EP400: variants seen among roughly 807,000 people sequenced by gnomAD.
EP400 encodes the protein E1A binding protein p400.
A neutral mutation model predicts 354.1 loss-of-function variants in EP400; 105 were observed. That is an observed-to-expected ratio of 0.30 (90% CI 0.25 to 0.35). EP400 has a LOEUF of 0.35. Among genes scored for constraint, EP400 ranks in the 10% least tolerant of loss-of-function variants. EP400 has a pLI of 1.00. For missense variants in EP400, 3,280 were observed against 4,121.0 expected (o/e 0.80, Z 5.59); for synonymous variants, 1,646 against 1,716.9 (o/e 0.96, Z 1.02).
At chr12:131,980,692 C>T (rs756645681) in intron 3 of EP400, among the ~76,000 whole-genome samples, 9 of 152,100 alleles carry the variant, frequency 5.9e-5, no homozygotes, top group Non-Finnish European at 1.2e-4. Flanking sequence ...ACTACAGGCG[C>T]GTGCCACCAC....
chr12:131,981,678 C>T (rs1892686567), intron 4 of EP400, 82 bp downstream of exon 4: 2 of 1,230,522 alleles, frequency 1.6e-6, no homozygotes, highest in Admixed American at 2.2e-5. Context: ...CAGACTCAGA[C>T]TTGGGCAGTG....
rs889274748 is a variant in EP400, at chr12:131,949,997, G to C, written c.-75G>C. ...GCTGCGGCGCGGCTTCCATCCTCCC[G>C]CCCTCCTGACGCGGCCGGAGCGCAG... is the stretch of plus-strand genomic sequence containing the variant. On this transcript the variant is annotated 5_prime_UTR_variant, in exon 1 of 53. Coordinates refer to ENST00000389561, the MANE Select transcript of EP400 (RefSeq NM_015409.5). The C allele has an allele frequency of 6.6e-6, 1 of 151,784 alleles. No homozygotes were observed. Among genetic ancestry groups the C allele is most frequent in the Admixed American group, 6.6e-5 (1 of 15,212 alleles). The allele number at this position is 151,784 out of a possible 1,614,324, so 9.4% of individuals were successfully genotyped here. A position where few individuals can be genotyped will look rare whatever the true frequency, so the allele number is the denominator to read the frequency against.
chr12:132,064,711 C>G lies in EP400; in HGVS notation c.8378C>G (p.Pro2793Arg). 1 of 1,613,656 alleles carries G rather than the reference C, an allele frequency of 6.2e-7. No homozygotes were observed. The highest frequency in any genetic ancestry group is 8.5e-7 in the Non-Finnish European group (1 of 1,179,748). ...CAGAAGCAGAAACTGCAGATGCCCC[C>G]GCAGCCCCCACCGCCACAGGCCCAG... is the stretch of plus-strand genomic sequence containing the variant. Reference protein sequence around the residue: ...KMQKQKLQMPPQPPPPQAQSA... With the variant: ...KMQKQKLQMPRQPPPPQAQSA... Residue 2793 changes from proline (P) to arginine (R), a missense_variant, in exon 48 of 53, where the codon CCG (proline) becomes CGG (arginine). Pro to Arg is a moderately radical substitution (Grantham distance 103). Transcript: ENST00000389561.
Position 132,025,790 on chromosome 12 carries a change from C to T in EP400, c.5000C>T (p.Pro1667Leu), listed in dbSNP as rs752648512. The change falls in exon 25 of 53, where the codon CCC becomes CTC. Residue 1667 changes from proline to leucine, a missense_variant. By Grantham distance (98) the Pro-to-Leu change is moderately conservative. This residue lies in a region of EP400 where 459 missense variants were observed against 496.9 expected (regional missense o/e 0.92). Coordinates refer to ENST00000389561, the MANE Select transcript of EP400 (RefSeq NM_015409.5). This position sits in a 1 kb window ranked among gnomAD's most constrained non-coding sequence, Gnocchi z 4.1. Reference protein sequence around the residue: ...KPPAGGPSPAPLTPQVGVPGR... With the variant: ...KPPAGGPSPALLTPQVGVPGR... ...CCGGCCGGCGGTCCCAGCCCTGCAC[C>T]CTTGACCCCACAAGGTAGGGTGCTC... is the stretch of plus-strand genomic sequence containing the variant. 3 of 1,604,236 alleles carry T rather than the reference C, an allele frequency of 1.9e-6. No individual in the cohort carries two copies. The highest frequency in any genetic ancestry group is 2.2e-5 in the East Asian group (1 of 44,708).
intron 3 of EP400, among the ~76,000 whole-genome samples, chr12:131,980,124 A>G (rs1196342600): frequency 6.6e-6 from 1 of 152,106 alleles, no homozygotes; most frequent in Non-Finnish European, 1.5e-5. Context: ...TCAAATGATA[A>G]ACTTAATACA....
chr12:131,998,898 A>ATACAAAGTCTTTGTATACAGTCTTGTG (rs1893310503), intron 12 of EP400, among the ~76,000 whole-genome samples: 1 of 109,630 alleles, frequency 9.1e-6, no homozygotes, highest in Non-Finnish European at 2.0e-5. Context: ...ACAGTCTTGT[A>ATACAAAGTCTTTGTATACAGTCTTGTG]TACAAAGTCT....
chr12:131,973,283 C>T (rs528720691), intron 2 of EP400, among the ~76,000 whole-genome samples: 2 of 152,298 alleles, frequency 1.3e-5, no homozygotes, highest in South Asian at 2.1e-4. Context: ...TAAGTCTCTT[C>T]GTGGTGCCCA....
intron 45 of EP400, among the ~76,000 whole-genome samples, chr12:132,058,416 G>A (rs1895585055): frequency 6.7e-6 from 1 of 148,796 alleles, no homozygotes; most frequent in Non-Finnish European, 1.5e-5. Context: ...GTGCAGTGGT[G>A]CGATCTCGGC....
rs915597807 is a variant in EP400, at chr12:132,050,195, G to A, written c.7201-128G>A. The A allele has an allele frequency of 8.3e-7, 1 of 1,208,202 alleles. No homozygotes were observed. The highest frequency in any genetic ancestry group is 1.2e-6 in the Non-Finnish European group (1 of 866,534). The allele number at this position is 1,208,202 out of a possible 1,614,324, so 74.8% of individuals were successfully genotyped here. ...TGCCTGAACTTGGAAAGAAGGCCCA[G>A]GAAAAGGAAGTTTGTGTTCAGCCAT... On this transcript the variant is annotated intron_variant, in intron 39 of 52. Transcript: ENST00000389561. The surrounding 1 kb of genome is among the most constrained non-coding windows in gnomAD (Gnocchi z 4.8).
Position 132,006,710 on chromosome 12 carries a change from A to G in EP400, c.3137A>G (p.Asn1046Ser). The G allele has an allele frequency of 1.3e-6, 2 of 1,593,500 alleles. No individual in the cohort carries two copies. The highest frequency in any genetic ancestry group is 8.5e-7 in the Non-Finnish European group (1 of 1,172,350). The change falls in exon 15 of 53, where the codon AAT becomes AGT. Residue 1046 changes from asparagine (N) to serine (S), a missense_variant. Around this residue, in one of 20 missense-constraint regions of EP400, gnomAD observed 800 missense variants for 840.0 expected, o/e 0.95. Coordinates refer to ENST00000389561, the MANE Select transcript of EP400 (RefSeq NM_015409.5). ...SARVTTSVKF[N>S]APSLLYGALR... ...TGTTCATCACTGCAGGTCAAGTTTA[A>G]TGCTCCATCTTTGTTGTATGGGGCT...
At chr12:132,072,068 T>C (rs1165253716) in intron 51 of EP400, among the ~76,000 whole-genome samples, 2 of 152,174 alleles carry the variant, frequency 1.3e-5, no homozygotes, top group African/African-American at 2.4e-5. Context: ...TTACTGCTCT[T>C]GTGTGTGTGA....
At chr12:132,045,224 C>T in intron 37 of EP400, 95 bp from the exon 38 acceptor site, 3 of 1,540,662 alleles carry the variant, frequency 1.9e-6, no homozygotes, top group Non-Finnish European at 2.6e-6. Flanking sequence ...TGCCCAGGCA[C>T]CTCCAGACTT....
At chr12:131,963,377 T>G (rs966271723) in intron 2 of EP400, among the ~76,000 whole-genome samples, 3 of 152,246 alleles carry the variant, frequency 2.0e-5, no homozygotes, top group African/African-American at 7.2e-5. Context: ...GTGCTATAAA[T>G]CTGTCAGTTC....
At chr12:131,993,023 G>A (rs1344631850) in intron 11 of EP400, among the ~76,000 whole-genome samples, 5 of 152,280 alleles carry the variant, frequency 3.3e-5, no homozygotes, top group African/African-American at 4.8e-5. Context: ...GTTCTGCTGC[G>A]TATGACAGAA....
rs368953719 is a variant in EP400, at chr12:132,013,896, C to T, written c.3906C>T (p.Asp1302=). The change falls in exon 19 of 53, where the codon GAC becomes GAT. Residue 1302 remains aspartate, a synonymous_variant. Transcript: ENST00000389561. This position sits in a 1 kb window ranked among gnomAD's most constrained non-coding sequence, Gnocchi z 4.5. ...LSNRQKALYE[D]VILQPGTQEA... is the part of the protein sequence containing the mutation. ...ACCGACAAAAAGCCTTATACGAGGA[C>T]GTTATCCTGCAACCTGGGTGAGTGT... The T allele has an allele frequency of 5.6e-6, 9 of 1,614,116 alleles. No homozygotes were observed. Among genetic ancestry groups the T allele is most frequent in the African/African-American group, 5.3e-5 (4 of 74,942 alleles).
chr12:132,064,364 A>G (rs1309606988), intron 47 of EP400, among the ~76,000 whole-genome samples: 4 of 152,224 alleles, frequency 2.6e-5, no homozygotes, highest in Non-Finnish European at 4.4e-5. Context: ...TTGAACTTCA[A>G]ATAAGTTTGG....
At chr12:132,034,373 T>C (rs532197400) in intron 30 of EP400, among the ~76,000 whole-genome samples, 1 of 152,336 alleles carries the variant, frequency 6.6e-6, no homozygotes, top group South Asian at 2.1e-4. Flanking sequence ...GTGGGTAGAC[T>C]TCATTCATGA....
intron 19 of EP400, among the ~76,000 whole-genome samples, chr12:132,015,238 GGCGGAGCA>G (rs1336748538): frequency 2.0e-5 from 3 of 152,250 alleles, no homozygotes; most frequent in African/African-American, 7.2e-5. Context: ...TTCTCCAAGA[GGCGGAGCA>G]GTGGAGCAGC....
intron 21 of EP400, 143 bp from the exon 22 acceptor site, chr12:132,019,906 C>A: frequency 1.1e-6 from 1 of 876,378 alleles, no homozygotes; most frequent in Admixed American, 3.8e-5. Flanking sequence ...CATCTTTCCC[C>A]TTCCCTCTGT....
Sources: gnomAD v4.1 joint callset for allele counts (sites outside exome capture counted in the v4.1 genomes callset) on GRCh38, gnomAD v4.1.1 for gene constraint, gnomAD v4.1.1 regional missense constraint, Gnocchi (gnomAD v3.1) non-coding constraint, MANE v1.5 for transcripts, NCBI Gene and HGNC (gene_info 2026-07-23, HGNC 2026-07-21) for gene names.